Variants in GLIS3 observed in about 807,000 individuals in gnomAD.
The protein encoded by GLIS3 is zinc finger protein GLIS3.
Under a neutral mutation model 78.6 loss-of-function variants are expected in GLIS3, and 53 were observed. The ratio of observed to expected loss-of-function variants is 0.67; its 90% confidence interval spans 0.54 to 0.85. The LOEUF (loss-of-function observed/expected upper bound fraction) is 0.85. Among genes scored for constraint, GLIS3 ranks in the 40% least tolerant of loss-of-function variants. The pLI is 0.00. For synonymous variants in GLIS3, 684 were observed against 509.9 expected (o/e 1.34, Z -4.60); for missense variants, 1,703 against 1,231.1 (o/e 1.38, Z -5.74).
chr9:3,915,944 A>T (rs1193461812), intron 6 of GLIS3, among the ~76,000 whole-genome samples: 1 of 152,240 alleles, frequency 6.6e-6, no homozygotes, highest in Admixed American at 6.5e-5. Context: ...AAGACAAGTC[A>T]GTGTGGGGGC....
intron 4 of GLIS3, among the ~76,000 whole-genome samples, chr9:4,023,746 C>T (rs1823076259): frequency 6.6e-6 from 1 of 152,152 alleles, no homozygotes; most frequent in South Asian, 2.1e-4. Flanking sequence ...AGGTTTGCTC[C>T]CATCTCCTCT....
the GLIS3 span, among the ~76,000 whole-genome samples, chr9:4,397,653 AAAGGAAGGAAGG>A: frequency 1.4e-5 from 2 of 140,446 alleles, no homozygotes; most frequent in East Asian, 4.6e-4. Context: ...GGAAGGAAGA[AAAGGAAGGAAGG>A]AAGGGAGGGA....
chr9:3,929,905 A>G (rs982242309), intron 6 of GLIS3, among the ~76,000 whole-genome samples: 50 of 152,276 alleles, frequency 3.3e-4, no homozygotes, highest in African/African-American at 1.1e-3. Context: ...CTGCCAGGAA[A>G]TATTTCAAAT....
chr9:4,340,534 G>A (rs1034470511), intron 2 of GLIS3, among the ~76,000 whole-genome samples: 1 of 152,092 alleles, frequency 6.6e-6, no homozygotes, highest in African/African-American at 2.4e-5. Flanking sequence ...CCTGGGTCTA[G>A]GGTTAAGCTT....
At chr9:4,339,602 G>T (rs1817803286) in intron 2 of GLIS3, among the ~76,000 whole-genome samples, 1 of 150,404 alleles carries the variant, frequency 6.6e-6, no homozygotes, top group South Asian at 2.1e-4. Context: ...ATCCGTCTCT[G>T]TTGTGTGTAT....
the GLIS3 span, chr9:4,386,295 A>C: frequency 6.6e-6 from 1 of 152,224 alleles, no homozygotes; most frequent in African/African-American, 2.4e-5. Context: ...ATAGGGCTGC[A>C]ATGAACATTT....
At chr9:3,841,353 C>T (rs1818703814) in intron 9 of GLIS3, among the ~76,000 whole-genome samples, 1 of 152,146 alleles carries the variant, frequency 6.6e-6, no homozygotes. Flanking sequence ...CCAAGAACTC[C>T]TGAGGGTCCG....
chr9:4,359,999 C>A, the GLIS3 span, among the ~76,000 whole-genome samples: 2 of 149,990 alleles, frequency 1.3e-5, no homozygotes, highest in Non-Finnish European at 3.0e-5. Flanking sequence ...GTATTTTAAG[C>A]ATTTTACTGG....
At chr9:3,838,831 A>AGCCCTT in intron 9 of GLIS3, among the ~76,000 whole-genome samples, 1 of 152,272 alleles carries the variant, frequency 6.6e-6, no homozygotes, top group Middle Eastern at 3.4e-3. Flanking sequence ...ATATTTGTGG[A>AGCCCTT]GCCCTTGCTC....
chr9:4,214,682 A>G (rs1356742975), intron 2 of GLIS3, among the ~76,000 whole-genome samples: 1 of 152,180 alleles, frequency 6.6e-6, no homozygotes, highest in East Asian at 1.9e-4. Context: ...GTCTCTAAGG[A>G]CGCTGTATTC....
the GLIS3 span, among the ~76,000 whole-genome samples, chr9:4,438,939 G>T: frequency 0.013 from 2,014 of 152,244 alleles, 44 homozygotes; most frequent in African/African-American, 0.047. Flanking sequence ...CACATGTTTT[G>T]TATAATCCTA....
chr9:3,836,622 G>A (rs1396711372), intron 9 of GLIS3, among the ~76,000 whole-genome samples: 1 of 152,170 alleles, frequency 6.6e-6, no homozygotes, highest in African/African-American at 2.4e-5. Context: ...ACCAAGTCCA[G>A]GGAAAGAAAA....
At chr9:3,965,188 C>T (rs375720393) in intron 4 of GLIS3, among the ~76,000 whole-genome samples, 52 of 98,996 alleles carry the variant, frequency 5.3e-4, no homozygotes, top group East Asian at 2.1e-3. Flanking sequence ...TCTTTCTTTT[C>T]TTTTCTTTTT....
chr9:3,961,987 T>C (rs905157997), intron 4 of GLIS3, among the ~76,000 whole-genome samples: 2 of 152,130 alleles, frequency 1.3e-5, no homozygotes, highest in Non-Finnish European at 2.9e-5. Flanking sequence ...GGCGGATTGC[T>C]TGGGGTCAGG....
intron 2 of GLIS3, among the ~76,000 whole-genome samples, chr9:4,249,517 G>T (rs182927231): frequency 6.6e-6 from 1 of 152,250 alleles, no homozygotes; most frequent in East Asian, 1.9e-4. Flanking sequence ...GGAGGTTTGG[G>T]GCTGAGACAA....
chr9:4,278,385 G>A (rs538575008), intron 2 of GLIS3, among the ~76,000 whole-genome samples: 165 of 152,288 alleles, frequency 1.1e-3, no homozygotes, highest in Non-Finnish European at 1.8e-3. Flanking sequence ...AGTGAGCCTA[G>A]AACATCTTGT....
chr9:4,269,201 A>G (rs768158901), intron 2 of GLIS3, among the ~76,000 whole-genome samples: 1 of 152,134 alleles, frequency 6.6e-6, no homozygotes, highest in Non-Finnish European at 1.5e-5. Flanking sequence ...CTCAATGTCT[A>G]ATTTCAATTC....
intron 2 of GLIS3, among the ~76,000 whole-genome samples, chr9:4,250,379 C>G (rs1824249511): frequency 6.6e-6 from 1 of 152,160 alleles, no homozygotes; most frequent in Non-Finnish European, 1.5e-5. Context: ...TCCATTTCTT[C>G]TAGATTTTCT....
At position 3,904,877 on chromosome 9, in the gene GLIS3, T is replaced by C. The variant is rs527766209; in HGVS notation, c.1984-6042A>G. The stretch of plus-strand genomic sequence containing the variant: ...CCAAATTATGCTCTCAGACATTACA[T>C]TATACTGGCTCATAAAACAGCCCAC... On this transcript the variant is annotated intron_variant, in intron 6 of 10. Transcript: ENST00000381971. Among the ~76,000 whole-genome samples, 11 of 152,254 alleles carry C rather than the reference T, an allele frequency of 7.2e-5. No individual in the cohort carries two copies. In the South Asian group the frequency reaches 2.3e-3, roughly 32 times the overall value.
Sources: gnomAD v4.1 joint callset for allele counts (sites outside exome capture counted in the v4.1 genomes callset) on GRCh38, gnomAD v4.1.1 for gene constraint, MANE v1.5 for transcripts, NCBI Gene and HGNC (gene_info 2026-07-23, HGNC 2026-07-21) for gene names.